Variants in ULK2 observed in about 807,000 individuals in gnomAD.
ULK2 encodes unc-51 like autophagy activating kinase 2.
In ULK2, 76 loss-of-function variants were observed where a neutral mutation model predicts 127.5. The ratio of observed to expected loss-of-function variants is 0.60; its 90% CI spans 0.50 to 0.72. The LOEUF is 0.72. ULK2 is among the 30% of genes least tolerant of loss of function. ULK2 has a pLI of 0.00. For synonymous variants in ULK2, 452 were observed against 461.9 expected, an observed-to-expected ratio of 0.98 and a Z score of 0.28; for missense variants, 1,144 against 1,295.9, an observed-to-expected ratio of 0.88 and a Z score of 1.80.
intron 9 of ULK2, among the ~76,000 whole-genome samples, chr17:19,840,832 T>C (rs765569717): frequency 9.9e-5 from 15 of 151,786 alleles, no homozygotes; most frequent in Non-Finnish European, 2.1e-4. Flanking sequence ...GAGGCTGCAG[T>C]GAGCCGAGAT....
At position 19,774,825 on chromosome 17, in the gene ULK2, G is replaced by C. The variant is rs2086787496; in HGVS notation, c.*1524C>G. 2 of 152,614 alleles carry C rather than the reference G, an allele frequency of 1.3e-5. No homozygotes were observed. The highest frequency in any genetic ancestry group is 1.3e-4 in the Admixed American group (2 of 15,280). 9.5% of individuals were successfully genotyped at this position (152,614 alleles called of 1,614,324 possible). ...AAAGGCTATTACACAACAATTCAGT[G>C]AGTTTTACCTAGTTTCAAGAATAAT... is the stretch of plus-strand genomic sequence containing the variant. On this transcript the variant is annotated 3_prime_UTR_variant, in exon 27 of 27. Coordinates refer to ENST00000395544, the MANE Select transcript of ULK2 (RefSeq NM_014683.4).
At chr17:19,850,553 G>A (rs980309662) in intron 3 of ULK2, among the ~76,000 whole-genome samples, 1 of 152,058 alleles carries the variant, frequency 6.6e-6, no homozygotes, top group Non-Finnish European at 1.5e-5. Context: ...TTGGCCAGGC[G>A]CGGTGGCTCA....
chr17:19,787,120 C>G (rs1212118090), intron 20 of ULK2, among the ~76,000 whole-genome samples: 1 of 151,982 alleles, frequency 6.6e-6, no homozygotes, highest in Non-Finnish European at 1.5e-5. Flanking sequence ...TCTCGAGTAG[C>G]TGGGATTACA....
intron 21 of ULK2, 98 bp from the exon 22 acceptor site, chr17:19,784,003 G>A: frequency 8.9e-7 from 1 of 1,121,354 alleles, no homozygotes; most frequent in Non-Finnish European, 1.1e-6. Context: ...AGGTGACAAA[G>A]GAAAGTTTCG....
chr17:19,847,735 G>C (rs201565721), intron 5 of ULK2, among the ~76,000 whole-genome samples: 1 of 152,130 alleles, frequency 6.6e-6, no homozygotes, highest in East Asian at 1.9e-4. Context: ...TTTTTGTAGA[G>C]ACAGGGTTTT....
At chr17:19,781,215 T>A in intron 23 of ULK2, 111 bp from the exon 24 acceptor site, 3 of 665,592 alleles carry the variant, frequency 4.5e-6, no homozygotes, top group Non-Finnish European at 7.4e-6. Context: ...AATAGCATCC[T>A]CTTTGATTTC....
At chr17:19,809,286 G>A (rs986082499) in intron 14 of ULK2, among the ~76,000 whole-genome samples, 4 of 152,196 alleles carry the variant, frequency 2.6e-5, no homozygotes, top group African/African-American at 4.8e-5. Context: ...AAGGGGAAAC[G>A]GGGAGGTAAT....
chr17:19,786,429 C>T (rs1043414335), intron 20 of ULK2, among the ~76,000 whole-genome samples: 2 of 152,088 alleles, frequency 1.3e-5, no homozygotes, highest in East Asian at 1.9e-4. Flanking sequence ...ACAGGTTAAA[C>T]TAGGGTAGGT....
chr17:19,783,938 C>T, intron 21 of ULK2, 33 bp from the exon 22 acceptor site: 1 of 1,406,462 alleles, frequency 7.1e-7, no homozygotes, highest in East Asian at 2.6e-5. Flanking sequence ...TGGCAGTGTC[C>T]AGAGTTAGGG....
chr17:19,801,097 G>A (rs1449546535), intron 16 of ULK2, among the ~76,000 whole-genome samples: 4 of 151,520 alleles, frequency 2.6e-5, no homozygotes, highest in Admixed American at 6.6e-5. Flanking sequence ...ACCCAGAGCT[G>A]CTATACAGTA....
intron 20 of ULK2, among the ~76,000 whole-genome samples, chr17:19,791,418 C>T (rs546529388): frequency 1.3e-5 from 2 of 152,146 alleles, no homozygotes; most frequent in Non-Finnish European, 2.9e-5. Flanking sequence ...GGTGCAGTGG[C>T]TCATGCCTAT....
At chr17:19,850,769 G>A (rs1403292420) in intron 3 of ULK2, among the ~76,000 whole-genome samples, 13 of 152,012 alleles carry the variant, frequency 8.6e-5, no homozygotes, top group Admixed American at 8.5e-4. Flanking sequence ...AGCTTGCAGT[G>A]AGCCGAGATC....
At chr17:19,833,755 T>C (rs771393567) in intron 10 of ULK2, among the ~76,000 whole-genome samples, 1 of 152,174 alleles carries the variant, frequency 6.6e-6, no homozygotes, top group Non-Finnish European at 1.5e-5. Flanking sequence ...TTAACAGATA[T>C]TTCCAATCTG....
intron 3 of ULK2, among the ~76,000 whole-genome samples, chr17:19,853,507 A>T (rs914377771): frequency 6.6e-6 from 1 of 151,724 alleles, no homozygotes; most frequent in African/African-American, 2.4e-5. Context: ...TCCACCCCTC[A>T]GGCAGTTTCT....
chr17:19,828,899 G>A (rs548207038), intron 10 of ULK2, among the ~76,000 whole-genome samples: 2 of 152,256 alleles, frequency 1.3e-5, no homozygotes, highest in South Asian at 4.1e-4. Flanking sequence ...GACCAGCCTG[G>A]GCAACATGGT....
rs1555557157 is a variant in ULK2 at position 19,814,456 on chromosome 17, T to TTTTTTTTGTTTGTTTG, written c.1096+2292_1096+2293insCAAACAAACAAAAAAA. Among the ~76,000 whole-genome samples, 30 of 18,244 alleles carry TTTTTTTTGTTTGTTTG rather than the reference T, an allele frequency of 1.6e-3. 2 individuals are homozygous for TTTTTTTTGTTTGTTTG. Among genetic ancestry groups the TTTTTTTTGTTTGTTTG allele is most frequent in the Admixed American group, 4.0e-3 (4 of 1,000 alleles). The allele number at this position is 18,244 out of a possible 152,430, so 12.0% of individuals were successfully genotyped here. A position where few individuals can be genotyped will look rare whatever the true frequency, so the allele number is the denominator to read the frequency against. On this transcript the variant is annotated intron_variant, in intron 13 of 26. Coordinates refer to ENST00000395544, the MANE Select transcript of ULK2 (RefSeq NM_014683.4). ...TATATATATTTTTTTTTTTTTTTTT[T>TTTTTTTTGTTTGTTTG]TTTTTTTGGAGACAGGGTCTTGCTC...
At chr17:19,832,485 A>G (rs1243489744) in intron 10 of ULK2, among the ~76,000 whole-genome samples, 2 of 152,036 alleles carry the variant, frequency 1.3e-5, no homozygotes, top group African/African-American at 4.8e-5. Flanking sequence ...GCTGGTCTCA[A>G]ACACCTGAGT....
intron 10 of ULK2, among the ~76,000 whole-genome samples, chr17:19,835,215 T>C (rs1023437644): frequency 2.9e-4 from 43 of 150,744 alleles, no homozygotes; most frequent in African/African-American, 9.5e-4. Context: ...AGTGGCGCGA[T>C]CTTGGCTCAC....
intron 14 of ULK2, 43 bp from the exon 15 acceptor site, chr17:19,804,873 G>A (rs1243452958): frequency 2.0e-5 from 32 of 1,596,518 alleles, no homozygotes; most frequent in Non-Finnish European, 2.6e-5. Flanking sequence ...ACAGTGGTAG[G>A]ATTGTTTTTC....
Sources: allele counts gnomAD v4.1 joint callset (sites outside exome capture counted in the v4.1 genomes callset), GRCh38; gene constraint gnomAD v4.1.1; transcripts MANE v1.5; gene names NCBI Gene and HGNC (gene_info 2026-07-23, HGNC 2026-07-21).